HDAC9: variants seen among roughly 807,000 people sequenced by gnomAD.
The protein encoded by HDAC9 is histone deacetylase 9.
HDAC9 carries 41 observed loss-of-function variants against 139.4 expected under a neutral mutation model. The ratio of observed to expected loss-of-function variants is 0.29; its 90% CI spans 0.23 to 0.38. HDAC9 has a LOEUF of 0.38. Among genes scored for constraint, HDAC9 ranks in the 10% least tolerant of loss-of-function variants. The pLI, the probability that HDAC9 is intolerant of heterozygous loss-of-function variation, is 1.00. For synonymous variants in HDAC9, 517 were observed against 476.2 expected (o/e 1.09, Z -1.12); for missense variants, 1,147 against 1,297.0 (o/e 0.88, Z 1.78).
chr7:18,657,053 T>C (rs1177900149), intron 11 of HDAC9, among the ~76,000 whole-genome samples: 1 of 152,180 alleles, frequency 6.6e-6, no homozygotes. Context: ...TTCAACATTT[T>C]TTCATATGGT....
intron 2 of HDAC9, among the ~76,000 whole-genome samples, chr7:18,195,402 A>G (rs2128154702): frequency 6.6e-6 from 1 of 152,344 alleles, no homozygotes; most frequent in Non-Finnish European, 1.5e-5. Flanking sequence ...ATCAAAAAAT[A>G]GTATTTCTGC....
chr7:18,213,530 TTC>T (rs1792095998), intron 2 of HDAC9, among the ~76,000 whole-genome samples: 1 of 152,156 alleles, frequency 6.6e-6, no homozygotes, highest in Admixed American at 6.6e-5. Flanking sequence ...AGAAGAAATT[TTC>T]TCTGTTAGTC....
chr7:18,845,235 T>C (rs986134277), intron 21 of HDAC9, among the ~76,000 whole-genome samples: 3 of 152,090 alleles, frequency 2.0e-5, no homozygotes, highest in African/African-American at 7.2e-5. Flanking sequence ...CTAGTCTCAA[T>C]TTTTTTAATT....
chr7:18,801,010 G>C (rs1410434578), intron 17 of HDAC9, among the ~76,000 whole-genome samples: 1 of 152,048 alleles, frequency 6.6e-6, no homozygotes, highest in African/African-American at 2.4e-5. Flanking sequence ...TGCAAAACTA[G>C]TAACAATTTA....
At chr7:18,305,708 G>C (rs1234232659) in intron 1 of HDAC9, among the ~76,000 whole-genome samples, 2 of 130,254 alleles carry the variant, frequency 1.5e-5, no homozygotes, top group Non-Finnish European at 3.1e-5. Flanking sequence ...TCTGATCTCT[G>C]GGCAGGGGTC....
At chr7:18,272,363 T>TG (rs1736253273) in intron 2 of HDAC9, among the ~76,000 whole-genome samples, 1 of 152,170 alleles carries the variant, frequency 6.6e-6, no homozygotes. Context: ...ACATATATAG[T>TG]GTGTTGCAGC....
intron 1 of HDAC9, among the ~76,000 whole-genome samples, chr7:18,335,578 A>G (rs958461200): frequency 3.3e-5 from 5 of 151,600 alleles, no homozygotes; most frequent in Non-Finnish European, 7.4e-5. Context: ...CAAGAATTAG[A>G]TAACTTTAAT....
At chr7:18,106,978 T>C (rs560804764) in intron 1 of HDAC9, among the ~76,000 whole-genome samples, 1 of 152,346 alleles carries the variant, frequency 6.6e-6, no homozygotes. Flanking sequence ...ATACCACCTT[T>C]GCAATCAGAA....
At chr7:18,851,479 A>G (rs112696702) in intron 21 of HDAC9, 6,222 of 152,566 alleles carry the variant, frequency 0.041, 279 homozygotes, top group African/African-American at 0.11. Context: ...CTCCCCAGCA[A>G]TGTGGAAGTG....
intron 1 of HDAC9, among the ~76,000 whole-genome samples, chr7:18,351,455 C>T (rs1782841485): frequency 6.6e-6 from 1 of 151,690 alleles, no homozygotes; most frequent in African/African-American, 2.4e-5. Flanking sequence ...CAAAAATCCC[C>T]CAAAACAAAA....
At chr7:18,814,706 G>T (rs1023326962) in intron 17 of HDAC9, among the ~76,000 whole-genome samples, 2 of 152,000 alleles carry the variant, frequency 1.3e-5, no homozygotes, top group African/African-American at 4.8e-5. Context: ...GTCAAAATTT[G>T]TATTCAATTG....
intron 1 of HDAC9, among the ~76,000 whole-genome samples, chr7:18,481,497 G>A (rs1374041994): frequency 2.6e-5 from 4 of 152,138 alleles, no homozygotes; most frequent in Admixed American, 6.5e-5. Context: ...ATAAACTGCT[G>A]AACACTATGG....
At chr7:18,289,133 C>T (rs1797641139), upstream of HDAC9, among the ~76,000 whole-genome samples, 1 of 152,134 alleles carries the variant, frequency 6.6e-6, no homozygotes, top group Admixed American at 6.5e-5. Context: ...TTGTTCTCAC[C>T]TTAAACTCAG....
chr7:18,158,455 TG>T (rs1787385253), intron 1 of HDAC9, among the ~76,000 whole-genome samples: 2 of 152,196 alleles, frequency 1.3e-5, no homozygotes, highest in South Asian at 4.1e-4. Context: ...AATGTCTTGA[TG>T]TTCATACAGC....
At position 18,353,049 on chromosome 7, in the gene HDAC9, A is replaced by G. The variant is rs528645567; in HGVS notation, c.-42+62534A>G. Among the ~76,000 whole-genome samples the G allele has an allele frequency of 5.9e-5, 9 of 152,274 alleles. No individual in the cohort carries two copies. The South Asian group carries it at 1.0e-3, about 18-fold the overall frequency. On this transcript the variant is annotated intron_variant, in intron 1 of 3. Coordinates refer to the HDAC9 transcript ENST00000413509. ...TGTCATAGCATCTAAGGTTTCTCTC[A>G]TAACCATACTGACCTTCATGTGCTA... is the stretch of plus-strand genomic sequence containing the variant.
chr7:18,639,918 G>A (rs976304534), intron 8 of HDAC9, among the ~76,000 whole-genome samples: 6 of 151,966 alleles, frequency 3.9e-5, no homozygotes, highest in African/African-American at 1.5e-4. Context: ...AGCTATGAGT[G>A]GGAGAGCTCA....
chr7:18,672,448 G>T (rs895330715), intron 12 of HDAC9, among the ~76,000 whole-genome samples: 3 of 151,984 alleles, frequency 2.0e-5, no homozygotes, highest in African/African-American at 7.2e-5. Context: ...TATATTTTGT[G>T]TAGTAGACCT....
chr7:18,746,144 T>G (rs1207391050), intron 13 of HDAC9, among the ~76,000 whole-genome samples: 1 of 152,154 alleles, frequency 6.6e-6, no homozygotes, highest in African/African-American at 2.4e-5. Flanking sequence ...GTGCTAGGCT[T>G]ACAGGTGTAA....
chr7:18,535,295 C>T (rs890162496), intron 2 of HDAC9, among the ~76,000 whole-genome samples: 1 of 152,010 alleles, frequency 6.6e-6, no homozygotes, highest in African/African-American at 2.4e-5. Flanking sequence ...AGAAGTCATA[C>T]AATTTTTAAA....
Sources: gnomAD v4.1 joint callset for allele counts (sites outside exome capture counted in the v4.1 genomes callset) on GRCh38, gnomAD v4.1.1 for gene constraint, MANE v1.5 for transcripts, NCBI Gene and HGNC (gene_info 2026-07-23, HGNC 2026-07-21) for gene names.